Variants in HNF4A observed in about 807,000 individuals in gnomAD.
The protein encoded by HNF4A is hepatocyte nuclear factor 4 alpha, also known as hepatocyte nuclear factor 4-alpha.
Under a neutral mutation model 52.4 loss-of-function variants are expected in HNF4A, and 15 were observed. The ratio of observed to expected loss-of-function variants is 0.29; its 90% CI spans 0.19 to 0.44. The LOEUF (loss-of-function observed/expected upper bound fraction) is 0.44. Ranked by LOEUF, HNF4A falls within the 20% of genes least tolerant of loss-of-function variation. HNF4A has a pLI of 1.00. For missense variants in HNF4A, 479 were observed against 647.2 expected, an observed-to-expected ratio of 0.74 and a Z score of 2.82; for synonymous variants, 280 against 264.4, an observed-to-expected ratio of 1.06 and a Z score of -0.57.
chr20:44,416,818 C>T (rs1417782526), intron 5 of HNF4A, among the ~76,000 whole-genome samples: 1 of 152,170 alleles, frequency 6.6e-6, no homozygotes, highest in Admixed American at 6.5e-5. Context: ...AATTTCACCT[C>T]CTTAGAGGCC....
rs367939091 is a variant in HNF4A at position 44,422,130 on chromosome 20, C to T, written c.893-1888C>T. Among the ~76,000 whole-genome samples the T allele has an allele frequency of 4.5e-4, 68 of 152,196 alleles. 1 individual carries two copies. In the East Asian group the frequency reaches 0.011, roughly 24 times the overall value. On this transcript the variant is annotated intron_variant, in intron 7 of 9. Coordinates refer to ENST00000316099, the MANE Select transcript of HNF4A (RefSeq NM_000457.6). Reference sequence around the variant, plus strand: ...AGCTTGGATTTGAACTTCAGACCACCTGTCAATCCCAATTTCTCTCTCTCA... The same window carrying T: ...AGCTTGGATTTGAACTTCAGACCACTTGTCAATCCCAATTTCTCTCTCTCA...
intron 8 of HNF4A, among the ~76,000 whole-genome samples, chr20:44,427,210 G>A (rs978948003): frequency 6.6e-6 from 1 of 152,226 alleles, no homozygotes; most frequent in Non-Finnish European, 1.5e-5. Context: ...GGGAATCGCT[G>A]TTATGTGATA....
At chr20:44,361,884 G>A (rs2062921071) in intron 1 of HNF4A, among the ~76,000 whole-genome samples, 1 of 152,132 alleles carries the variant, frequency 6.6e-6, no homozygotes. Flanking sequence ...CTTGACCTTG[G>A]AGGAGTAGAC....
chr20:44,415,645 A>G (rs903807996), intron 5 of HNF4A, among the ~76,000 whole-genome samples: 2 of 152,180 alleles, frequency 1.3e-5, no homozygotes, highest in African/African-American at 4.8e-5. Flanking sequence ...AATGCATGTG[A>G]GTCTGTGAAA....
intron 1 of HNF4A, among the ~76,000 whole-genome samples, chr20:44,405,640 G>A (rs1428099061): frequency 1.3e-5 from 2 of 152,168 alleles, no homozygotes; most frequent in African/African-American, 4.8e-5. Context: ...CACACAAGCT[G>A]AGATCCACCC....
In HNF4A at chr20:44,413,779, G is replaced by A. The variant is rs2063620422; in HGVS notation, c.471G>A (p.Gln157=). ...TGCCCTCCATCAATGCGCTCCTGCA[G>A]GCGGAGGTCCTGTCCCGACAGGTAC... Residue 157 remains glutamine (Q), a synonymous_variant, in exon 4 of 10, where the codon CAG becomes CAA. Coordinates refer to ENST00000316099, the MANE Select transcript of HNF4A (RefSeq NM_000457.6). 1 of 1,613,202 alleles carries A rather than the reference G, an allele frequency of 6.2e-7. No individual in the cohort carries two copies. The highest frequency in any genetic ancestry group is 1.3e-5 in the African/African-American group (1 of 74,884).
At chr20:44,361,803 C>T (rs2062920495) in intron 1 of HNF4A, among the ~76,000 whole-genome samples, 2 of 152,100 alleles carry the variant, frequency 1.3e-5, no homozygotes, top group South Asian at 4.1e-4. Flanking sequence ...AGACAGAGTG[C>T]CATGATAAGG....
At chr20:44,390,428 G>A (rs1039885742) in intron 1 of HNF4A, 1 of 550,598 alleles carries the variant, frequency 1.8e-6, no homozygotes, top group Non-Finnish European at 3.2e-6. Flanking sequence ...CAGAGCCCTG[G>A]GGCTAATTCC....
intron 1 of HNF4A, among the ~76,000 whole-genome samples, chr20:44,370,220 G>A (rs1193322071): frequency 6.6e-6 from 1 of 152,112 alleles, no homozygotes; most frequent in Non-Finnish European, 1.5e-5. Context: ...GTAGAGACGG[G>A]GTTTCACCGT....
At position 44,408,394 on chromosome 20, in the gene HNF4A, G is replaced by A. The variant is rs190953299; in HGVS notation, c.385+919G>A. Among the ~76,000 whole-genome samples the A allele has an allele frequency of 3.9e-5, 6 of 152,270 alleles. No individual in the cohort carries two copies. The East Asian group carries it at 1.2e-3, about 29-fold the overall frequency. On this transcript the variant is annotated intron_variant, in intron 3 of 9. Coordinates refer to ENST00000316099, the MANE Select transcript of HNF4A (RefSeq NM_000457.6). The stretch of plus-strand genomic sequence containing the variant: ...CCAGGGACATTTAAAATTGTTTTCA[G>A]CCCAAGCAAGGGAAGCAAAAATCTT...
At position 44,430,447 on chromosome 20, in the gene HNF4A, G is replaced by A. The variant is rs886056682; in HGVS notation, c.*782G>A. 1 of 152,452 alleles carries A rather than the reference G, an allele frequency of 6.6e-6. No homozygotes were observed. Among genetic ancestry groups the A allele is most frequent in the Non-Finnish European group, 1.5e-5 (1 of 68,162 alleles). 9.4% of individuals were successfully genotyped at this position (152,452 alleles called of 1,614,324 possible). A position where few individuals can be genotyped will look rare whatever the true frequency, so the allele number is the denominator to read the frequency against. ...AGGTTGGCGACTGCAACAGGAACTTGGAGTGGAGAGGAAAAGCATCAGAAA... is the reference window on the plus strand; with the variant it reads ...AGGTTGGCGACTGCAACAGGAACTTAGAGTGGAGAGGAAAAGCATCAGAAA... On this transcript the variant is annotated 3_prime_UTR_variant, in exon 10 of 10. Transcript: ENST00000316099.
intron 1 of HNF4A, among the ~76,000 whole-genome samples, chr20:44,374,901 T>C (rs1388123972): frequency 6.6e-6 from 1 of 152,244 alleles, no homozygotes; most frequent in Non-Finnish European, 1.5e-5. Flanking sequence ...TTTAAGTTCT[T>C]TGAGAAATCT....
At chr20:44,369,387 G>A (rs1204925186) in intron 1 of HNF4A, among the ~76,000 whole-genome samples, 1 of 151,328 alleles carries the variant, frequency 6.6e-6, no homozygotes, top group African/African-American at 2.4e-5. Context: ...CAAACATCAT[G>A]CCACTGCACT....
intron 1 of HNF4A, among the ~76,000 whole-genome samples, chr20:44,364,019 T>G (rs1438252195): frequency 6.6e-6 from 1 of 152,124 alleles, no homozygotes; most frequent in Non-Finnish European, 1.5e-5. Context: ...AATGGAGGTA[T>G]GACAACCATC....
At chr20:44,395,283 G>A (rs551020331) in intron 1 of HNF4A, among the ~76,000 whole-genome samples, 19 of 152,348 alleles carry the variant, frequency 1.2e-4, no homozygotes, top group Middle Eastern at 6.8e-3. Flanking sequence ...CTCCCCTGAC[G>A]GCCTCAGTGT....
chr20:44,368,966 G>A (rs765353113), intron 1 of HNF4A, among the ~76,000 whole-genome samples: 1 of 152,056 alleles, frequency 6.6e-6, no homozygotes, highest in African/African-American at 2.4e-5. Flanking sequence ...ACAAACAAGA[G>A]GCTGGGCACG....
chr20:44,396,560 A>T (rs1465238874), upstream of HNF4A, among the ~76,000 whole-genome samples: 1 of 152,140 alleles, frequency 6.6e-6, no homozygotes, highest in Non-Finnish European at 1.5e-5. Context: ...AAGTGAGCAG[A>T]GGTAAAGAAC....
chr20:44,355,920 C>G, intron 1 of HNF4A, 67 bp downstream of exon 1: 1 of 1,371,368 alleles, frequency 7.3e-7, no homozygotes, highest in South Asian at 1.3e-5. Flanking sequence ...CCATGGGACA[C>G]CTCCCCGTGT....
rs186247245 is a variant in HNF4A at position 44,430,025 on chromosome 20, C to T, written c.*360C>T. 2.3e-5 allele frequency: 6 copies of T among 260,706 alleles called. No homozygotes were observed. The East Asian group carries it at 5.9e-4, about 26-fold the overall frequency. The allele number at this position is 260,706 out of a possible 1,614,324, so 16.1% of individuals were successfully genotyped here. ...CTTACTTAAACCCAGCTCCCTTCTTCCCTAGCCTGGTGCTTCTCCTCTCCT... is the reference window on the plus strand; with the variant it reads ...CTTACTTAAACCCAGCTCCCTTCTTTCCTAGCCTGGTGCTTCTCCTCTCCT... On this transcript the variant is annotated 3_prime_UTR_variant, in exon 10 of 10. Transcript: ENST00000316099.
Sources: gnomAD v4.1 joint callset for allele counts (sites outside exome capture counted in the v4.1 genomes callset) on GRCh38, gnomAD v4.1.1 for gene constraint, MANE v1.5 for transcripts, NCBI Gene and HGNC (gene_info 2026-07-23, HGNC 2026-07-21) for gene names.